CCDC30: variants seen among roughly 807,000 people sequenced by gnomAD.
The protein encoded by CCDC30 is coiled-coil domain-containing protein 30.
CCDC30 carries 70 observed loss-of-function variants against 100.2 expected under a neutral mutation model. The ratio of observed to expected loss-of-function variants is 0.70; its 90% CI spans 0.58 to 0.85. The LOEUF (loss-of-function observed/expected upper bound fraction) is 0.85, where lower values mean the gene tolerates loss of function less well. Among genes scored for constraint, CCDC30 ranks in the 40% least tolerant of loss-of-function variants. CCDC30 has a pLI of 0.00. For synonymous variants in CCDC30, 233 were observed against 269.5 expected, an observed-to-expected ratio of 0.86 and a Z score of 1.33; for missense variants, 652 against 771.2, an observed-to-expected ratio of 0.85 and a Z score of 1.83.
chr1:42,566,656 C>G (rs79481570), intron 7 of CCDC30, among the ~76,000 whole-genome samples, 181 bp downstream of exon 11: 1,831 of 152,184 alleles, frequency 0.012, 32 homozygotes, highest in African/African-American at 0.043. Context: ...TATTATCAAC[C>G]TGTAAATAGA....
At chr1:42,618,839 A>G (rs1646776490) in intron 11 of CCDC30, among the ~76,000 whole-genome samples, 1 of 152,214 alleles carries the variant, frequency 6.6e-6, no homozygotes, top group Non-Finnish European at 1.5e-5. Context: ...AGGCAGTAAG[A>G]AAGAACGACG....
intron 6 of CCDC30, among the ~76,000 whole-genome samples, chr1:42,514,660 G>A (rs1038704922): frequency 4.0e-5 from 6 of 151,800 alleles, no homozygotes; most frequent in South Asian, 2.1e-4. Flanking sequence ...TTTTGTTTTC[G>A]TTTTTGTTTT....
chr1:42,635,190 T>A (rs964528022), intron 11 of CCDC30, among the ~76,000 whole-genome samples: 6 of 151,886 alleles, frequency 4.0e-5, no homozygotes, highest in Non-Finnish European at 8.8e-5. Flanking sequence ...TGAATACAGG[T>A]GCCCGCCACC....
intron 8 of CCDC30, chr1:42,580,793 G>A: frequency 2.2e-6 from 1 of 455,744 alleles, no homozygotes; most frequent in Non-Finnish European, 4.4e-6. Context: ...TATGCTAATA[G>A]GTGCTTGGTT....
intron 11 of CCDC30, among the ~76,000 whole-genome samples, chr1:42,615,833 T>TA (rs1215525253): frequency 2.0e-5 from 3 of 152,212 alleles, no homozygotes; most frequent in Non-Finnish European, 2.9e-5. Context: ...GTGTCTGACT[T>TA]CTTTTGTTCA....
chr1:42,510,265 A>G (rs913442295), intron 6 of CCDC30: 1 of 364,990 alleles, frequency 2.7e-6, no homozygotes, highest in Non-Finnish European at 3.8e-6. Context: ...CTCATCTCCA[A>G]ATTTCTCTGC....
intron 3 of CCDC30, among the ~76,000 whole-genome samples, chr1:42,487,262 T>A (rs1466827267): frequency 6.6e-6 from 1 of 152,142 alleles, no homozygotes; most frequent in Non-Finnish European, 1.5e-5. Flanking sequence ...CCTGTAGGTA[T>A]ACTAAAAACC....
intron 6 of CCDC30, among the ~76,000 whole-genome samples, chr1:42,547,335 G>C (rs1208173950): frequency 6.6e-6 from 1 of 152,232 alleles, no homozygotes; most frequent in Non-Finnish European, 1.5e-5. Flanking sequence ...GGAGATGGAA[G>C]ATAGACCAAT....
chr1:42,654,861 C>G (rs868026491), downstream of CCDC30, among the ~76,000 whole-genome samples: 1 of 151,402 alleles, frequency 6.6e-6, no homozygotes, highest in Non-Finnish European at 1.5e-5. Flanking sequence ...TATAGGTGCC[C>G]GCCACCATGC....
intron 6 of CCDC30, among the ~76,000 whole-genome samples, chr1:42,542,251 C>T (rs1645025388): frequency 6.6e-6 from 1 of 152,202 alleles, no homozygotes; most frequent in South Asian, 2.1e-4. Flanking sequence ...ATATACACTA[C>T]TTTGTCATGT....
chr1:42,495,428 GCA>G (rs1433608416), intron 4 of CCDC30, among the ~76,000 whole-genome samples: 1 of 151,554 alleles, frequency 6.6e-6, no homozygotes, highest in Non-Finnish European at 1.5e-5. Context: ...AGTGGGTGCA[GCA>G]CACCAGCATG....
intron 13 of CCDC30, among the ~76,000 whole-genome samples, 177 bp from the exon 18 acceptor site, chr1:42,644,516 C>T (rs1647715940): frequency 6.6e-6 from 1 of 152,158 alleles, no homozygotes; most frequent in Non-Finnish European, 1.5e-5. Context: ...AGTTGACACT[C>T]AGTATTAAAC....
rs765925809 is a variant in CCDC30, at chr1:42,589,344, A to C, written c.1025A>C (p.Asp342Ala). The change falls in exon 10 of 17, where the codon GAT becomes GCT. Residue 342 changes from aspartate (D) to alanine (A), a missense_variant. Asp to Ala is a moderately radical substitution (Grantham distance 126). Coordinates refer to ENST00000668663, the Ensembl canonical transcript of CCDC30. Reference sequence around the variant, plus strand: ...AGGAAACTTCTATATCAGAACGTAGATGAGTTACACAGGCAAGTGAGAACC... The same window carrying C: ...AGGAAACTTCTATATCAGAACGTAGCTGAGTTACACAGGCAAGTGAGAACC... 1.1e-5 allele frequency: 18 copies of C among 1,609,826 alleles called. No homozygotes were observed. In the East Asian group the frequency reaches 3.8e-4, roughly 34 times the overall value.
At chr1:42,523,141 T>C (rs181647148) in intron 6 of CCDC30, among the ~76,000 whole-genome samples, 24 of 152,350 alleles carry the variant, frequency 1.6e-4, no homozygotes, top group Admixed American at 1.6e-3. Context: ...GTACTGGTTT[T>C]TATAATAGCC....
chr1:42,649,183 A>T (rs945004588), intron 15 of CCDC30, among the ~76,000 whole-genome samples: 1 of 152,198 alleles, frequency 6.6e-6, no homozygotes, highest in Non-Finnish European at 1.5e-5. Context: ...GAATACTAAC[A>T]AACTCATTAA....
At chr1:42,603,163 A>G (rs756446694) in intron 10 of CCDC30, among the ~76,000 whole-genome samples, 4 of 152,184 alleles carry the variant, frequency 2.6e-5, no homozygotes, top group Non-Finnish European at 5.9e-5. Flanking sequence ...GGATGCCAGC[A>G]GTATTGGTGT....
intron 5 of CCDC30, 90 bp from the exon 6 acceptor site, chr1:42,498,728 T>C: frequency 1.9e-6 from 1 of 530,386 alleles, no homozygotes; most frequent in South Asian, 1.0e-4. Context: ...AGAATGTATT[T>C]ATATATTACT....
intron 1 of CCDC30, among the ~76,000 whole-genome samples, chr1:42,464,969 T>G (rs1438452063): frequency 1.3e-5 from 2 of 149,722 alleles, no homozygotes; most frequent in African/African-American, 4.8e-5. Context: ...TCTGCAGCCT[T>G]TTCAATCTTG....
chr1:42,456,994 C>T, the CCDC30 span: 2 of 1,602,442 alleles, frequency 1.2e-6, no homozygotes, highest in Non-Finnish European at 1.7e-6. Context: ...CTGCAGGCAC[C>T]TTCCTGGCAG....
Sources: allele counts gnomAD v4.1 joint callset (sites outside exome capture counted in the v4.1 genomes callset), GRCh38; gene constraint gnomAD v4.1.1; transcripts MANE v1.5; gene names NCBI Gene and HGNC (gene_info 2026-07-23, HGNC 2026-07-21).